The following CHRNA5 variants were observed in gnomAD, a reference collection of about 807,000 sequenced individuals.
CHRNA5 encodes the protein neuronal acetylcholine receptor subunit alpha-5.
Under a neutral mutation model 41.2 loss-of-function variants are expected in CHRNA5, and 28 were observed. The ratio of observed to expected loss-of-function variants is 0.68; its 90% confidence interval spans 0.50 to 0.93. The LOEUF is 0.93. Ranked by LOEUF, CHRNA5 falls within the 40% of genes least tolerant of loss-of-function variation. The probability of loss-of-function intolerance (pLI) is 0.00; values close to 1 mark genes in which losing one functional copy is unlikely to be tolerated. For synonymous variants in CHRNA5, 188 were observed against 205.8 expected (o/e 0.91, Z 0.74); for missense variants, 481 against 581.9 (o/e 0.83, Z 1.78).
chr15:78,578,278 C>T (rs1216397924), intron 1 of CHRNA5, among the ~76,000 whole-genome samples: 7 of 152,132 alleles, frequency 4.6e-5, no homozygotes, highest in South Asian at 4.1e-4. Flanking sequence ...GAGGCCGAGG[C>T]GGGTGGATCA....
At chr15:78,578,681 A>G (rs777892467) in intron 1 of CHRNA5, among the ~76,000 whole-genome samples, 40 of 152,184 alleles carry the variant, frequency 2.6e-4, no homozygotes, top group African/African-American at 8.4e-4. Context: ...AACATGGTCT[A>G]TCATCATAAA....
At chr15:78,594,709 A>G (rs1191376905) in exon 6 of CHRNA5, 1 of 152,240 alleles carries the variant, frequency 6.6e-6, no homozygotes, top group Non-Finnish European at 1.5e-5. Context: ...ATTCTGTGAG[A>G]AAACAATCTT....
intron 2 of CHRNA5, among the ~76,000 whole-genome samples, chr15:78,581,869 T>C (rs1339567793): frequency 6.6e-6 from 1 of 152,218 alleles, no homozygotes; most frequent in Non-Finnish European, 1.5e-5. Flanking sequence ...CATTTTCTTA[T>C]GTCATTACAT....
At chr15:78,582,024 T>C (rs1383885213) in intron 2 of CHRNA5, among the ~76,000 whole-genome samples, 1 of 152,222 alleles carries the variant, frequency 6.6e-6, no homozygotes, top group Non-Finnish European at 1.5e-5. Context: ...GAACGTCTCC[T>C]TTCCTTAAGA....
intron 1 of CHRNA5, among the ~76,000 whole-genome samples, 179 bp from the exon 2 acceptor site, chr15:78,580,632 C>CT (rs905195562): frequency 2.7e-5 from 4 of 150,376 alleles, no homozygotes; most frequent in African/African-American, 7.3e-5. Context: ...ATAATCTGAA[C>CT]TTTTTTTTTC....
At chr15:78,565,739 G>T in exon 1 of CHRNA5, 1 of 1,192,634 alleles carries the variant, frequency 8.4e-7, no homozygotes, top group Admixed American at 4.5e-5. Context: ...CGGGGGTCAG[G>T]GCCCCGCGCG....
At chr15:78,570,444 TTTTTTA>T (rs1294336466) in intron 1 of CHRNA5, among the ~76,000 whole-genome samples, 2 of 141,756 alleles carry the variant, frequency 1.4e-5, no homozygotes, top group African/African-American at 5.3e-5. Context: ...TTTTTTTTTT[TTTTTTA>T]GTAAAGACAG....
At chr15:78,592,923 A>T (rs1186238715) in intron 5 of CHRNA5, 169 bp from the exon 6 acceptor site, 2 of 608,990 alleles carry the variant, frequency 3.3e-6, no homozygotes, top group Admixed American at 6.7e-5. Flanking sequence ...TCTATAGTAG[A>T]CCTTCAGGCT....
intron 5 of CHRNA5, 66 bp downstream of exon 5, chr15:78,590,702 A>G: frequency 7.2e-7 from 1 of 1,390,626 alleles, no homozygotes; most frequent in Non-Finnish European, 9.8e-7. Context: ...ACTTTCATTA[A>G]TTTTGGCAGA....
At chr15:78,585,033 C>A (rs1475589896) in intron 2 of CHRNA5, among the ~76,000 whole-genome samples, 1 of 152,154 alleles carries the variant, frequency 6.6e-6, no homozygotes, top group Non-Finnish European at 1.5e-5. Flanking sequence ...GGTTCTCCCA[C>A]CTCAGCCTCC....
At chr15:78,590,787 A>G in intron 5 of CHRNA5, 151 bp downstream of exon 5, 1 of 666,288 alleles carries the variant, frequency 1.5e-6, no homozygotes. Context: ...TCTATAAAAG[A>G]TCTTTACTAA....
intron 1 of CHRNA5, among the ~76,000 whole-genome samples, chr15:78,573,360 G>A (rs2052824204): frequency 1.3e-5 from 2 of 152,194 alleles, no homozygotes; most frequent in Admixed American, 1.3e-4. Flanking sequence ...TTCTCACTGT[G>A]GGGTGTACTT....
At chr15:78,577,926 C>CAAA (rs5813925) in intron 1 of CHRNA5, among the ~76,000 whole-genome samples, 3,199 of 129,018 alleles carry the variant, frequency 0.025, 182 homozygotes, top group East Asian at 0.24. Context: ...GACCCTGTCT[C>CAAA]AAAAAAAAAA....
chr15:78,592,686 C>T (rs1275992924), intron 5 of CHRNA5, among the ~76,000 whole-genome samples: 1 of 152,170 alleles, frequency 6.6e-6, no homozygotes, highest in Non-Finnish European at 1.5e-5. Context: ...TTATTCTGAA[C>T]CAACTTTTAA....
chr15:78,568,589 G>A (rs948632448), intron 1 of CHRNA5, among the ~76,000 whole-genome samples: 7 of 151,890 alleles, frequency 4.6e-5, no homozygotes, highest in African/African-American at 1.5e-4. Context: ...TAGGTTTTAA[G>A]CCCCACATGC....
intron 1 of CHRNA5, among the ~76,000 whole-genome samples, chr15:78,579,685 T>C (rs1878398): frequency 0.036 from 5,442 of 152,274 alleles, 332 homozygotes; most frequent in African/African-American, 0.12. Flanking sequence ...TCATCTCTCT[T>C]CTCTTCCCAT....
exon 6 of CHRNA5, chr15:78,593,224 C>A (rs770782949): frequency 1.9e-6 from 3 of 1,612,002 alleles, no homozygotes; most frequent in Admixed American, 1.7e-5. Context: ...TATATTAATA[C>A]CAGTTCATAT....
chr15:78,590,708 G>T, intron 5 of CHRNA5, 72 bp downstream of exon 5: 1 of 1,342,234 alleles, frequency 7.5e-7, no homozygotes, highest in Non-Finnish European at 1.0e-6. Context: ...ATTAATTTTG[G>T]CAGAGTAAAC....
intron 1 of CHRNA5, among the ~76,000 whole-genome samples, chr15:78,568,460 TTTTA>T (rs2052769642): frequency 7.3e-6 from 1 of 136,998 alleles, no homozygotes; most frequent in Admixed American, 7.0e-5. Flanking sequence ...CATTTTATTT[TTTTA>T]ATTTTTTTTT....
Sources: gnomAD v4.1 joint callset for allele counts (sites outside exome capture counted in the v4.1 genomes callset) on GRCh38, gnomAD v4.1.1 for gene constraint, MANE v1.5 for transcripts, NCBI Gene and HGNC (gene_info 2026-07-23, HGNC 2026-07-21) for gene names.